Variants in SPSB3 observed in about 807,000 individuals in gnomAD.
SPSB3 encodes the protein splA/ryanodine receptor domain and SOCS box containing 3.
Under a neutral mutation model 29.5 loss-of-function variants are expected in SPSB3, and 18 were observed. The ratio of observed to expected loss-of-function variants is 0.61; its 90% CI spans 0.42 to 0.91. The LOEUF (loss-of-function observed/expected upper bound fraction) is 0.91, where lower values mean the gene tolerates loss of function less well. SPSB3 is among the 40% of genes least tolerant of loss of function. The pLI is 0.00. For synonymous variants in SPSB3, 299 were observed against 214.1 expected, an observed-to-expected ratio of 1.40 and a Z score of -3.46; for missense variants, 540 against 507.5, an observed-to-expected ratio of 1.06 and a Z score of -0.61.
At position 1,777,067 on chromosome 16, in the gene SPSB3, C is replaced by T. The variant is rs1413833256; in HGVS notation, c.*30G>A. The stretch of plus-strand genomic sequence containing the variant: ...GGACAGAGGAAAGGGGCTGTCCCAG[C>T]CCAAGAAGGCAGTTCCACTGGGAAG... On this transcript the variant is annotated 3_prime_UTR_variant, in exon 7 of 7. Transcript: ENST00000566339. 1.2e-6 allele frequency: 2 copies of T among 1,600,204 alleles called. No individual in the cohort carries two copies. Among genetic ancestry groups the T allele is most frequent in the Non-Finnish European group, 1.7e-6 (2 of 1,172,596 alleles).
chr16:1,781,116 G>C, intron 2 of SPSB3: 1 of 1,440,664 alleles, frequency 6.9e-7, no homozygotes. Flanking sequence ...AGAAAGCACA[G>C]TGAAGAATGC....
At chr16:1,778,970 A>G in intron 2 of SPSB3, 1 of 202,962 alleles carries the variant, frequency 4.9e-6, no homozygotes, top group Non-Finnish European at 9.9e-6. Context: ...AGGGGCCCCC[A>G]GGCAAGGCCA....
rs1031946457 is a variant in SPSB3, at chr16:1,776,763, G to A, written c.*334C>T. 37 of 424,848 alleles carry A rather than the reference G, an allele frequency of 8.7e-5. No individual in the cohort carries two copies. Among genetic ancestry groups the A allele is most frequent in the Non-Finnish European group, 1.4e-4 (33 of 235,426 alleles). The allele number at this position is 424,848 out of a possible 1,614,324, so 26.3% of individuals were successfully genotyped here. A position where few individuals can be genotyped will look rare whatever the true frequency, so the allele number is the denominator to read the frequency against. ...TATTGCAGTCCTTTAAGTCTATGAC[G>A]GCGGGGCAGCCGCTGACAGCATGCA... On this transcript the variant is annotated 3_prime_UTR_variant, in exon 7 of 7. Transcript: ENST00000566339.
intron 2 of SPSB3, chr16:1,781,074 C>G: frequency 8.6e-7 from 1 of 1,161,540 alleles, no homozygotes; most frequent in Non-Finnish European, 1.2e-6. Flanking sequence ...AAAGCAACTG[C>G]CAACCTCTCC....
In SPSB3 at chr16:1,778,800, A is replaced by G. The variant is rs1039910162; in HGVS notation, c.127-188T>C. The G allele has an allele frequency of 2.8e-5, 16 of 567,176 alleles. No individual in the cohort carries two copies. The African/African-American group carries it at 3.1e-4, about 11-fold the overall frequency. 35.1% of individuals were successfully genotyped at this position (567,176 alleles called of 1,614,324 possible). ...TCCCAACGGGCTCCGGCTCTGCCCC[A>G]TTCTGCATGACCAGGAGGGCCCTGG... On this transcript the variant is annotated intron_variant, in intron 2 of 6. Coordinates refer to ENST00000566339, the MANE Select transcript of SPSB3 (RefSeq NM_080861.4).
chr16:1,781,241 A>T, intron 2 of SPSB3, 117 bp downstream of exon 2: 1 of 1,598,096 alleles, frequency 6.3e-7, no homozygotes, highest in Non-Finnish European at 8.5e-7. Context: ...CTGGTCCTCT[A>T]GCCTCAGAAG....
In SPSB3 at chr16:1,781,339, C is replaced by T. The variant is rs1896702362; in HGVS notation, c.126+19G>A. The T allele has an allele frequency of 6.2e-7, 1 of 1,612,812 alleles. No individual in the cohort carries two copies. The highest frequency in any genetic ancestry group is 1.7e-5 in the Admixed American group (1 of 59,992). On this transcript the variant is annotated intron_variant, in intron 2 of 6. Transcript: ENST00000566339. ...CACACCTTAGGCCAGCCACGTCCGCCTCGCCCGCTGGAACCTACCTGCCCA... is the reference window on the plus strand; with the variant it reads ...CACACCTTAGGCCAGCCACGTCCGCTTCGCCCGCTGGAACCTACCTGCCCA...
chr16:1,777,890 CGCAGTGA>C lies in SPSB3; in HGVS notation c.596-25_596-19del. 6.2e-7 allele frequency: 1 copy of C among 1,611,876 alleles called. No individual in the cohort carries two copies. The highest frequency in any genetic ancestry group is 8.5e-7 in the Non-Finnish European group (1 of 1,179,626). On this transcript the variant is annotated intron_variant, in intron 5 of 6. Transcript: ENST00000566339. ...GAGGAGGCCTGGGGGCAGCCAGGGT[CGCAGTGA>C]GCCCGGGAGCTCCAGGCTCGGCCCC...
intron 2 of SPSB3, chr16:1,779,524 G>A (rs1896642392): frequency 6.6e-6 from 1 of 152,312 alleles, no homozygotes; most frequent in African/African-American, 2.4e-5. Flanking sequence ...TTCAGGGCAG[G>A]ACACTGTCCT....
intron 3 of SPSB3, 53 bp downstream of exon 3, chr16:1,778,381 AC>A: frequency 6.2e-7 from 1 of 1,606,812 alleles, no homozygotes; most frequent in Non-Finnish European, 8.5e-7. Flanking sequence ...TGCCCTGCCC[AC>A]CCCCAGGCCC....
intron 1 of SPSB3, 88 bp from the exon 2 acceptor site, chr16:1,781,583 G>A: frequency 6.9e-7 from 1 of 1,451,298 alleles, no homozygotes; most frequent in South Asian, 1.3e-5. Context: ...CCCACTCAAA[G>A]TGGGGACTGC....
chr16:1,781,467 C>A lies in SPSB3; in HGVS notation c.17G>T (p.Arg6Leu). The A allele has an allele frequency of 6.2e-7, 1 of 1,612,550 alleles. No individual in the cohort carries two copies. Residue 6 changes from arginine (R) to leucine (L), a missense_variant, in exon 2 of 7, where the codon CGG (arginine) becomes CTG (leucine). Arg to Leu is a moderately radical substitution (Grantham distance 102). Transcript: ENST00000566339. Reference sequence around the variant, plus strand: ...GACGAAGTGCCAGGCCCTGCTGTTCCGGGGGCGTCTGGCCATGGTGGAAAG... The same window carrying A: ...GACGAAGTGCCAGGCCCTGCTGTTCAGGGGGCGTCTGGCCATGGTGGAAAG... MARRP[R>L]NSRAWHFVLS...
rs755159393 is a variant in SPSB3, at chr16:1,777,247, C to T, written c.918G>A (p.Lys306=). Residue 306 remains lysine, a synonymous_variant, in exon 7 of 7, where the codon AAG becomes AAA. Transcript: ENST00000566339. The part of the protein sequence containing the change: ...LEGLPLPPGL[K]QVLHNKLGWV... ...AGCCCAGCTTGTTGTGTAGCACCTGCTTGAGGCCCGGCGGCAGCGGCAGAC... is the reference window on the plus strand; with the variant it reads ...AGCCCAGCTTGTTGTGTAGCACCTGTTTGAGGCCCGGCGGCAGCGGCAGAC... The T allele has an allele frequency of 3.1e-6, 5 of 1,610,790 alleles. No homozygotes were observed. In the Admixed American group the frequency reaches 6.7e-5, roughly 21 times the overall value.
chr16:1,778,964 GC>G (rs2141989132), intron 2 of SPSB3: 2 of 204,938 alleles, frequency 9.8e-6, no homozygotes, highest in South Asian at 1.5e-4. Context: ...CCCTGCAGGG[GC>G]CCCCAGGCAA....
chr16:1,777,901 C>A (rs573183239), intron 5 of SPSB3, 29 bp from the exon 6 acceptor site: 9 of 1,611,650 alleles, frequency 5.6e-6, no homozygotes, highest in Non-Finnish European at 6.8e-6. Context: ...GCAGTGAGCC[C>A]GGGAGCTCCA....
intron 2 of SPSB3, chr16:1,778,834 C>A: frequency 2.1e-6 from 1 of 480,590 alleles, no homozygotes; most frequent in Non-Finnish European, 3.6e-6. Flanking sequence ...GGAGGCCCAG[C>A]CACAGAGCAG....
intron 2 of SPSB3, chr16:1,778,826 A>T: frequency 4.1e-6 from 2 of 491,978 alleles, no homozygotes; most frequent in Non-Finnish European, 7.0e-6. Flanking sequence ...AGGGCCCTGG[A>T]GGCCCAGCCA....
At position 1,776,741 on chromosome 16, in the gene SPSB3, T is replaced by C. The variant is rs1247209534; in HGVS notation, c.*356A>G. 1.4e-5 allele frequency: 5 copies of C among 363,682 alleles called. No homozygotes were observed. Among genetic ancestry groups the C allele is most frequent in the Non-Finnish European group, 2.5e-5 (5 of 198,712 alleles). The allele number at this position is 363,682 out of a possible 1,614,324, so 22.5% of individuals were successfully genotyped here. ...TGTTAGACATCAACTCTACATTTAT[T>C]GCAGTCCTTTAAGTCTATGACGGCG... On this transcript the variant is annotated 3_prime_UTR_variant, in exon 7 of 7. Coordinates refer to ENST00000566339, the MANE Select transcript of SPSB3 (RefSeq NM_080861.4).
In SPSB3 at chr16:1,778,117, G is replaced by C; in HGVS notation, c.492+17C>G. On this transcript the variant is annotated intron_variant, in intron 4 of 6. Transcript: ENST00000566339. Reference sequence around the variant, plus strand: ...GAGCCAGGTTCCCCAGAAGCACCCTGGGCCGAAGCAACTTACCATGTCGGT... The same window carrying C: ...GAGCCAGGTTCCCCAGAAGCACCCTCGGCCGAAGCAACTTACCATGTCGGT... The C allele has an allele frequency of 6.2e-7, 1 of 1,612,862 alleles. No homozygotes were observed. The highest frequency in any genetic ancestry group is 8.5e-7 in the Non-Finnish European group (1 of 1,179,814).
Sources: allele counts gnomAD v4.1 joint callset, GRCh38; gene constraint gnomAD v4.1.1; transcripts MANE v1.5; gene names NCBI Gene and HGNC (gene_info 2026-07-23, HGNC 2026-07-21).